Variants in KIR3DL3 observed in about 807,000 individuals in gnomAD.
KIR3DL3 encodes the protein killer cell immunoglobulin like receptor, three Ig domains and long cytoplasmic tail 3.
Under a neutral mutation model 34.9 loss-of-function variants are expected in KIR3DL3, and 27 were observed. That is an observed-to-expected ratio of 0.77 (90% CI 0.57 to 1.07). The LOEUF (loss-of-function observed/expected upper bound fraction) is 1.07. KIR3DL3 is among the 50% of genes least tolerant of loss of function. The pLI is 0.00. For synonymous variants in KIR3DL3, 217 were observed against 200.2 expected (o/e 1.08, Z -0.71); for missense variants, 681 against 528.5 (o/e 1.29, Z -2.83).
chr19:54,728,466 G>T (rs2068443752), intron 4 of KIR3DL3, among the ~76,000 whole-genome samples: 1 of 149,548 alleles, frequency 6.7e-6, no homozygotes, highest in East Asian at 2.0e-4. Context: ...AGTTCCTGGA[G>T]TCCCCATACT....
At chr19:54,733,163 T>C (rs1231650510) in intron 5 of KIR3DL3, among the ~76,000 whole-genome samples, 4 of 152,166 alleles carry the variant, frequency 2.6e-5, no homozygotes, top group Admixed American at 1.3e-4. Context: ...GTGTTTTTTT[T>C]CTACATCTAA....
At position 54,735,953 on chromosome 19, in the gene KIR3DL3, G is replaced by A; in HGVS notation, c.1108-18G>A. The A allele has an allele frequency of 6.2e-7, 1 of 1,611,484 alleles. No individual in the cohort carries two copies. Among genetic ancestry groups the A allele is most frequent in the Admixed American group, 1.7e-5 (1 of 59,456 alleles). On this transcript the variant is annotated intron_variant, in intron 7 of 7. Transcript: ENST00000291860. ...AAATGTGAGCACCCTCCCTCACTCAGCATTTCCCTCCCTCCAGGACTCTGA... is the reference window on the plus strand; with the variant it reads ...AAATGTGAGCACCCTCCCTCACTCAACATTTCCCTCCCTCCAGGACTCTGA...
At position 54,736,006 on chromosome 19, in the gene KIR3DL3, C is replaced by T. The variant is rs181518279; in HGVS notation, c.1143C>T (p.Tyr381=). 1.1e-4 allele frequency: 183 copies of T among 1,613,600 alleles called. 1 individual carries two copies. The highest frequency in any genetic ancestry group is 9.0e-4 in the African/African-American group (67 of 74,762). ...AACAAGACCCTCAGGAGGTGACATA[C>T]GCACAGTTGAATCACTGCGTTTTCA... ...SDEQDPQEVT[Y]AQLNHCVFTQ... The change falls in exon 8 of 8, where the codon TAC becomes TAT. Residue 381 remains tyrosine (Y), a synonymous_variant. Coordinates refer to ENST00000291860, the MANE Select transcript of KIR3DL3 (RefSeq NM_153443.5).
intron 4 of KIR3DL3, 131 bp from the exon 5 acceptor site, chr19:54,729,362 T>C (rs1386555975): frequency 1.9e-6 from 2 of 1,040,838 alleles, no homozygotes; most frequent in Non-Finnish European, 2.7e-6. Context: ...TGAAGAGAGA[T>C]GGGGGTGGAG....
rs760274970 is a variant in KIR3DL3 at position 54,727,633 on chromosome 19, C to T, written c.378C>T (p.Leu126=). The change falls in exon 4 of 8, where the codon CTC becomes CTT. Residue 126 remains leucine (L), a synonymous_variant. Transcript: ENST00000291860. ...MVTGVHRKPS[L]LAHPGPLVKS... ...TAGGAGTCCACAGAAAACCTTCCCT[C>T]CTGGCCCACCCAGGTCCCCTGGTGA... is the stretch of plus-strand genomic sequence containing the variant. 1 of 1,611,690 alleles carries T rather than the reference C, an allele frequency of 6.2e-7. No homozygotes were observed. The highest frequency in any genetic ancestry group is 1.3e-5 in the African/African-American group (1 of 74,408).
At chr19:54,725,402 A>C in intron 2 of KIR3DL3, 120 bp downstream of exon 2, 1 of 815,668 alleles carries the variant, frequency 1.2e-6, no homozygotes, top group Non-Finnish European at 1.9e-6. Context: ...CCATGTGGGA[A>C]TCTCTCATGA....
At chr19:54,729,938 AGGG>A in intron 5 of KIR3DL3, 152 bp downstream of exon 5, 1 of 521,848 alleles carries the variant, frequency 1.9e-6, no homozygotes, top group Non-Finnish European at 3.1e-6. Context: ...GATGGCAGAC[AGGG>A]CACCTCCAAA....
At chr19:54,727,101 C>T (rs1395640528) in intron 3 of KIR3DL3, among the ~76,000 whole-genome samples, 1 of 137,242 alleles carries the variant, frequency 7.3e-6, no homozygotes, top group East Asian at 2.1e-4. Flanking sequence ...GGTTGATGCT[C>T]CTGGAACCAG....
chr19:54,728,284 C>A, intron 4 of KIR3DL3, among the ~76,000 whole-genome samples: 1 of 148,992 alleles, frequency 6.7e-6, no homozygotes, highest in African/African-American at 2.5e-5. Flanking sequence ...CAGGAGAACC[C>A]AAAGAGACAC....
intron 6 of KIR3DL3, 68 bp downstream of exon 6, chr19:54,735,425 G>C: frequency 2.6e-6 from 2 of 778,828 alleles, no homozygotes; most frequent in Non-Finnish European, 2.3e-6. Flanking sequence ...GAGCACTCAG[G>C]TGTGTGTTCC....
At chr19:54,728,398 G>A (rs1207718355) in intron 4 of KIR3DL3, among the ~76,000 whole-genome samples, 7 of 147,092 alleles carry the variant, frequency 4.8e-5, no homozygotes, top group Non-Finnish European at 6.0e-5. Context: ...AGCTGTCATC[G>A]TCCCAGGACA....
chr19:54,731,398 T>C (rs2068774875), intron 5 of KIR3DL3, among the ~76,000 whole-genome samples: 2 of 151,626 alleles, frequency 1.3e-5, no homozygotes, highest in Admixed American at 6.6e-5. Flanking sequence ...GATGCAACCC[T>C]GGTTGACTCA....
chr19:54,728,084 C>CAG (rs2068402158), intron 4 of KIR3DL3, among the ~76,000 whole-genome samples, 174 bp downstream of exon 4: 2 of 151,806 alleles, frequency 1.3e-5, no homozygotes, highest in African/African-American at 2.4e-5. Flanking sequence ...AAGTACAGAC[C>CAG]TCATGTCATA....
Position 54,729,565 on chromosome 19 carries a change from C to G in KIR3DL3, c.728C>G (p.Ser243Cys). 3 of 1,607,396 alleles carry G rather than the reference C, an allele frequency of 1.9e-6. No individual in the cohort carries two copies. The highest frequency in any genetic ancestry group is 8.5e-7 in the Non-Finnish European group (1 of 1,178,616). ...TVQAGENVTL[S>C]CSSRSLFDIY... ...CAGGCAGGAGAGAATGTGACCTTGT[C>G]CTGCAGCTCCCGGAGCTTGTTTGAC... Residue 243 changes from serine to cysteine, a missense_variant, in exon 5 of 8, where the codon TCC becomes TGC. By Grantham distance (112) the Ser-to-Cys change is moderately radical (BLOSUM62 -1). Coordinates refer to ENST00000291860, the MANE Select transcript of KIR3DL3 (RefSeq NM_153443.5).
At chr19:54,733,899 C>T (rs2069117052) in intron 5 of KIR3DL3, among the ~76,000 whole-genome samples, 2 of 152,114 alleles carry the variant, frequency 1.3e-5, no homozygotes, top group African/African-American at 4.8e-5. Flanking sequence ...ACTCAGAGAC[C>T]AGTGCCAGCA....
intron 1 of KIR3DL3, among the ~76,000 whole-genome samples, 158 bp downstream of exon 1, chr19:54,724,688 G>A (rs2146728049): frequency 6.7e-6 from 1 of 150,014 alleles, no homozygotes; most frequent in African/African-American, 2.5e-5. Flanking sequence ...CTGGAGTGGA[G>A]ATATGGGCCT....
chr19:54,727,265 T>C (rs1291825507), intron 3 of KIR3DL3, among the ~76,000 whole-genome samples: 5 of 121,716 alleles, frequency 4.1e-5, no homozygotes, highest in African/African-American at 1.5e-4. Flanking sequence ...CCAAAAGAGA[T>C]TGATTCAGGC....
At chr19:54,732,630 A>G (rs2146842362) in intron 5 of KIR3DL3, among the ~76,000 whole-genome samples, 1 of 152,330 alleles carries the variant, frequency 6.6e-6, no homozygotes, top group African/African-American at 2.4e-5. Flanking sequence ...CTGATCAGAT[A>G]ATATTTGTGA....
At chr19:54,725,391 G>GC in intron 2 of KIR3DL3, 109 bp downstream of exon 2, 1 of 867,096 alleles carries the variant, frequency 1.2e-6, no homozygotes, top group Non-Finnish European at 1.7e-6. Flanking sequence ...ACCATGGGAA[G>GC]CCATGTGGGA....
Sources: gnomAD v4.1 joint callset for allele counts (sites outside exome capture counted in the v4.1 genomes callset) on GRCh38, gnomAD v4.1.1 for gene constraint, MANE v1.5 for transcripts, NCBI Gene and HGNC (gene_info 2026-07-23, HGNC 2026-07-21) for gene names.